The following SCML4 variants were observed in gnomAD, a reference collection of about 807,000 sequenced individuals.
SCML4 encodes the protein sex comb on midleg-like protein 4.
Under a neutral mutation model 41.1 loss-of-function variants are expected in SCML4, and 34 were observed. The observed-to-expected ratio is 0.83, with a 90% CI of 0.63 to 1.10. The LOEUF is 1.10. Ranked by LOEUF, SCML4 falls within the 50% of genes least tolerant of loss-of-function variation. The pLI is 0.00. For synonymous variants in SCML4, 214 were observed against 220.9 expected (o/e 0.97, Z 0.28); for missense variants, 522 against 534.1 (o/e 0.98, Z 0.22).
chr6:107,714,637 C>G (rs576111307), intron 6 of SCML4, among the ~76,000 whole-genome samples: 3 of 152,372 alleles, frequency 2.0e-5, no homozygotes, highest in East Asian at 1.9e-4. Context: ...CCCTGGCACA[C>G]TGTGCCCAGG....
At chr6:107,831,746 C>T in the SCML4 span, among the ~76,000 whole-genome samples, 1 of 152,150 alleles carries the variant, frequency 6.6e-6, no homozygotes, top group Non-Finnish European at 1.5e-5. Context: ...TGGCAAAACC[C>T]ATCTCTACTA....
Position 107,745,005 on chromosome 6 carries a change from C to G in SCML4, c.626G>C (p.Arg209Thr). Residue 209 changes from arginine (R) to threonine (T), a missense_variant, in exon 5 of 8, where the codon AGG becomes ACG. By Grantham distance (71) the Arg-to-Thr change is moderately conservative (BLOSUM62 -1). Transcript: ENST00000369020. The part of the protein sequence containing the change: ...DDLFSHQPFP[R>T]GCSASEKVQE... ...GACTTTCTCAGAGGCACTGCAGCCCCTGGGGAAGGGCTGGTGGCTGAAGAG... is the reference window on the plus strand; with the variant it reads ...GACTTTCTCAGAGGCACTGCAGCCCGTGGGGAAGGGCTGGTGGCTGAAGAG... 6.2e-7 allele frequency: 1 copy of G among 1,613,934 alleles called. No individual in the cohort carries two copies. The highest frequency in any genetic ancestry group is 8.5e-7 in the Non-Finnish European group (1 of 1,179,888).
intron 1 of SCML4, among the ~76,000 whole-genome samples, chr6:107,788,929 T>C (rs1259970977): frequency 6.6e-6 from 1 of 152,230 alleles, no homozygotes; most frequent in African/African-American, 2.4e-5. Context: ...CCAGTGTGTG[T>C]TTCCCTGACT....
Position 107,742,434 on chromosome 6 carries a change from G to C in SCML4, c.682+2515C>G, listed in dbSNP as rs536337958. On this transcript the variant is annotated intron_variant, in intron 5 of 7. Coordinates refer to ENST00000369020, the MANE Select transcript of SCML4 (RefSeq NM_198081.5). ...AGAAGGGTCAAATATGCATGTATAG[G>C]AAGGGCAGAGAACACCAAACAGATT... 2.0e-5 allele frequency among the ~76,000 whole-genome samples: 3 copies of C among 152,258 alleles called. No homozygotes were observed. In the East Asian group the frequency reaches 5.8e-4, roughly 29 times the overall value.
chr6:107,711,382 T>G (rs1429122777), intron 6 of SCML4, among the ~76,000 whole-genome samples: 3 of 152,246 alleles, frequency 2.0e-5, no homozygotes, highest in Non-Finnish European at 4.4e-5. Flanking sequence ...TTCTAGTTCC[T>G]ATCGCCTAGT....
At chr6:107,737,930 T>A (rs1012001277) in intron 5 of SCML4, among the ~76,000 whole-genome samples, 66 of 152,152 alleles carry the variant, frequency 4.3e-4, no homozygotes, top group African/African-American at 9.2e-4. Flanking sequence ...TAATTTTTTT[T>A]AAAAAAAGAA....
At chr6:107,822,958 T>G (rs148708372) in intron 1 of SCML4, among the ~76,000 whole-genome samples, 1 of 151,312 alleles carries the variant, frequency 6.6e-6, no homozygotes, top group African/African-American at 2.4e-5. Context: ...TTTAACACAC[T>G]AAGAATTCCT....
chr6:107,739,650 A>T (rs190575332), intron 5 of SCML4, among the ~76,000 whole-genome samples: 83 of 152,208 alleles, frequency 5.5e-4, no homozygotes, highest in African/African-American at 1.9e-3. Context: ...GCCTCAAACA[A>T]AAAAAAACCT....
At chr6:107,827,019 C>A (rs748737280), upstream of SCML4, among the ~76,000 whole-genome samples, 1 of 151,700 alleles carries the variant, frequency 6.6e-6, no homozygotes, top group Admixed American at 6.6e-5. Context: ...GCCGAGATCA[C>A]GCCACTGCAC....
the SCML4 span, among the ~76,000 whole-genome samples, chr6:107,840,142 C>A: frequency 6.6e-6 from 1 of 151,954 alleles, no homozygotes; most frequent in Admixed American, 6.6e-5. Context: ...AAGTACGGTG[C>A]CTAAAACAGT....
At chr6:107,728,879 C>T (rs1182973726) in intron 5 of SCML4, among the ~76,000 whole-genome samples, 3 of 152,272 alleles carry the variant, frequency 2.0e-5, no homozygotes, top group East Asian at 1.9e-4. Flanking sequence ...GTGAACAGCA[C>T]GTTCAGATGC....
chr6:107,751,586 CTT>C (rs1162441812), intron 2 of SCML4, among the ~76,000 whole-genome samples: 2 of 117,590 alleles, frequency 1.7e-5, no homozygotes, highest in Non-Finnish European at 1.8e-5. Context: ...TTCTTTCTTT[CTT>C]TCTTTCTTTC....
chr6:107,825,886 G>A (rs1296809378), upstream of SCML4, among the ~76,000 whole-genome samples: 5 of 128,818 alleles, frequency 3.9e-5, no homozygotes, highest in Admixed American at 2.0e-4. Flanking sequence ...ACAGTGAGCC[G>A]ATACCGTGCC....
intron 5 of SCML4, among the ~76,000 whole-genome samples, chr6:107,738,552 T>C (rs1458963983): frequency 6.6e-6 from 1 of 151,106 alleles, no homozygotes; most frequent in African/African-American, 2.4e-5. Context: ...ATCCAGGAGG[T>C]GGAGGTCGCA....
the SCML4 span, among the ~76,000 whole-genome samples, chr6:107,829,793 T>TA: frequency 0.045 from 6,886 of 152,170 alleles, 241 homozygotes; most frequent in Non-Finnish European, 0.063. Flanking sequence ...TTGGTTCTAT[T>TA]AAAAAAACTG....
At chr6:107,791,516 C>A (rs966460284) in intron 1 of SCML4, among the ~76,000 whole-genome samples, 2 of 152,124 alleles carry the variant, frequency 1.3e-5, no homozygotes, top group Admixed American at 6.6e-5. Flanking sequence ...CATATTTTAT[C>A]CCAATTTCCA....
At chr6:107,836,546 G>A in the SCML4 span, among the ~76,000 whole-genome samples, 2 of 152,176 alleles carry the variant, frequency 1.3e-5, no homozygotes, top group Non-Finnish European at 2.9e-5. Flanking sequence ...CTGACTCTGG[G>A]CTTCCCAAGC....
intron 6 of SCML4, among the ~76,000 whole-genome samples, chr6:107,712,665 T>A (rs1304550427): frequency 6.6e-6 from 1 of 152,100 alleles, no homozygotes; most frequent in Non-Finnish European, 1.5e-5. Context: ...CGGGAGCTGC[T>A]CCTGATCCAA....
At chr6:107,731,753 A>C (rs1253371494) in intron 5 of SCML4, among the ~76,000 whole-genome samples, 2 of 152,234 alleles carry the variant, frequency 1.3e-5, no homozygotes, top group East Asian at 3.8e-4. Context: ...CTAGCCCTGA[A>C]ACCCAGATTA....
Sources: allele counts gnomAD v4.1 joint callset (sites outside exome capture counted in the v4.1 genomes callset), GRCh38; gene constraint gnomAD v4.1.1; transcripts MANE v1.5; gene names NCBI Gene and HGNC (gene_info 2026-07-23, HGNC 2026-07-21).